The following GALNT2 variants were observed in gnomAD, a reference collection of about 807,000 sequenced individuals.
GALNT2 encodes the protein UDP-GalNAc:polypeptide N-acetylgalactosaminyltransferase 2.
Under a neutral mutation model 81.4 loss-of-function variants are expected in GALNT2, and 31 were observed. The ratio of observed to expected loss-of-function variants is 0.38; its 90% CI spans 0.29 to 0.51. GALNT2 has a LOEUF of 0.51. Among genes scored for constraint, GALNT2 ranks in the 20% least tolerant of loss-of-function variants. GALNT2 has a pLI of 0.87. For synonymous variants in GALNT2, 303 were observed against 287.4 expected, an observed-to-expected ratio of 1.05 and a Z score of -0.55; for missense variants, 629 against 765.7, an observed-to-expected ratio of 0.82 and a Z score of 2.11.
intron 2 of GALNT2, among the ~76,000 whole-genome samples, chr1:230,196,409 T>A (rs1041147069): frequency 6.6e-5 from 10 of 152,228 alleles, no homozygotes; most frequent in Admixed American, 5.9e-4. Context: ...TTGCTTGGGC[T>A]TGGCATTTTC....
chr1:230,194,619 C>G (rs1663630132), intron 2 of GALNT2, among the ~76,000 whole-genome samples: 1 of 152,230 alleles, frequency 6.6e-6, no homozygotes, highest in African/African-American at 2.4e-5. Flanking sequence ...TAGCCCAGCC[C>G]TTCAAATGGA....
In GALNT2 at chr1:230,180,794, G is replaced by A. The variant is rs147340806; in HGVS notation, c.220+2483G>A. 2.2e-3 allele frequency among the ~76,000 whole-genome samples: 341 copies of A among 152,152 alleles called. 2 individuals carry two copies. Among genetic ancestry groups the A allele is most frequent in the African/African-American group, 7.9e-3 (328 of 41,514 alleles). The stretch of plus-strand genomic sequence containing the variant: ...TTTTGATACCTTTTATCAGAATTTT[G>A]TAGTTTTCCTCATACAGAATTTATA... On this transcript the variant is annotated intron_variant, in intron 2 of 15. Coordinates refer to ENST00000366672, the MANE Select transcript of GALNT2 (RefSeq NM_004481.5).
intron 1 of GALNT2, among the ~76,000 whole-genome samples, chr1:230,089,151 CT>C (rs112182659): frequency 2.7e-3 from 379 of 140,950 alleles, no homozygotes; most frequent in Middle Eastern, 3.6e-3. Context: ...TTCTTTCTTT[CT>C]TTTTTTTTTT....
Position 230,094,333 on chromosome 1 carries a change from A to G in GALNT2, c.126+26927A>G, listed in dbSNP as rs772469386. 2.8e-4 allele frequency among the ~76,000 whole-genome samples: 11 copies of G among 39,846 alleles called. No homozygotes were observed. In the South Asian group the frequency reaches 0.011, roughly 39 times the overall value. The allele number at this position is 39,846 out of a possible 152,430, so 26.1% of individuals were successfully genotyped here. ...GCCTTATTTTTATATATTTAAGAAC[A>G]TATGCTTTCGGCCGGGGTGGCAGCT... On this transcript the variant is annotated intron_variant, in intron 1 of 15. Coordinates refer to ENST00000366672, the MANE Select transcript of GALNT2 (RefSeq NM_004481.5).
rs1360383638 is a variant in GALNT2, at chr1:230,265,182, G to C, written c.1314-59G>C. On this transcript the variant is annotated intron_variant, in intron 13 of 15. Transcript: ENST00000366672. Reference sequence around the variant, plus strand: ...ATGAGGCCACTGAGCAAAGGGGCTGGTGGACGGGAGCTGGTGGTCATGTGC... The same window carrying C: ...ATGAGGCCACTGAGCAAAGGGGCTGCTGGACGGGAGCTGGTGGTCATGTGC... 3 of 1,610,910 alleles carry C rather than the reference G, an allele frequency of 1.9e-6. No homozygotes were observed. The African/African-American group carries it at 4.0e-5, about 22-fold the overall frequency.
intron 1 of GALNT2, among the ~76,000 whole-genome samples, chr1:230,119,807 G>C (rs1257904717): frequency 6.6e-6 from 1 of 152,120 alleles, no homozygotes; most frequent in East Asian, 1.9e-4. Context: ...TTGCATTTCA[G>C]CTTATTCCAG....
At position 230,280,384 on chromosome 1, in the gene GALNT2, G is replaced by A. The variant is rs16851328; in HGVS notation, c.*926G>A. On this transcript the variant is annotated 3_prime_UTR_variant, in exon 16 of 16. Transcript: ENST00000366672. ...CTGTGCGTATCTGTGAACCTGGAGC[G>A]GTTACTTATTTTGACAGATATCACT... 7,868 of 190,570 alleles carry A rather than the reference G, an allele frequency of 0.041. 227 individuals are homozygous for A. Among genetic ancestry groups the A allele is most frequent in the Middle Eastern group, 0.072 (28 of 390 alleles). The allele number at this position is 190,570 out of a possible 1,614,324, so 11.8% of individuals were successfully genotyped here. A position where few individuals can be genotyped will look rare whatever the true frequency, so the allele number is the denominator to read the frequency against.
At chr1:230,123,925 A>T (rs997693270) in intron 1 of GALNT2, among the ~76,000 whole-genome samples, 10 of 152,340 alleles carry the variant, frequency 6.6e-5, no homozygotes, top group African/African-American at 1.9e-4. Flanking sequence ...GACTCTAAAA[A>T]TGTGAAAACA....
intron 1 of GALNT2, among the ~76,000 whole-genome samples, chr1:230,093,649 A>T (rs1169983769): frequency 6.6e-6 from 1 of 152,256 alleles, no homozygotes; most frequent in African/African-American, 2.4e-5. Context: ...CAAGCTCAGC[A>T]TGATGACATT....
intron 1 of GALNT2, among the ~76,000 whole-genome samples, chr1:230,108,034 T>C (rs545495978): frequency 6.6e-6 from 1 of 152,180 alleles, no homozygotes; most frequent in Non-Finnish European, 1.5e-5. Flanking sequence ...TTGCCCAGGC[T>C]TGGGCAGACT....
chr1:230,120,616 G>T lies in GALNT2; in HGVS notation c.126+53210G>T, dbSNP rs1308421261. On this transcript the variant is annotated intron_variant, in intron 1 of 15. Coordinates refer to ENST00000366672, the MANE Select transcript of GALNT2 (RefSeq NM_004481.5). ...GTCATGAAAATGGCTGCTCAGCTCC[G>T]ATCTGCCCTTCCTTCCGCAGGACTC... Among the ~76,000 whole-genome samples the T allele has an allele frequency of 5.3e-5, 8 of 152,238 alleles. No homozygotes were observed. In the South Asian group the frequency reaches 8.3e-4, roughly 16 times the overall value.
In GALNT2 at chr1:230,072,163, G is replaced by A. The variant is rs188274708; in HGVS notation, c.126+4757G>A. ...AGGAAGAGGTGGTCAGAAAAATGATGGGAGAGGGGGTGGGGGAGATTGGGT... is the reference window on the plus strand; with the variant it reads ...AGGAAGAGGTGGTCAGAAAAATGATAGGAGAGGGGGTGGGGGAGATTGGGT... On this transcript the variant is annotated intron_variant, in intron 1 of 15. Transcript: ENST00000366672. 4.5e-3 allele frequency among the ~76,000 whole-genome samples: 685 copies of A among 152,230 alleles called. 3 individuals carry two copies. Among genetic ancestry groups the A allele is most frequent in the African/African-American group, 0.016 (668 of 41,528 alleles).
intron 2 of GALNT2, among the ~76,000 whole-genome samples, chr1:230,178,604 T>C (rs1663060641): frequency 6.6e-6 from 1 of 152,146 alleles, no homozygotes; most frequent in African/African-American, 2.4e-5. Flanking sequence ...TAGACTTTAT[T>C]TTTTAGGGCA....
chr1:230,228,704 C>T (rs1253301172), intron 3 of GALNT2, among the ~76,000 whole-genome samples: 2 of 151,998 alleles, frequency 1.3e-5, no homozygotes, highest in Non-Finnish European at 2.9e-5. Flanking sequence ...TCTGCAGTAA[C>T]GCTTCATGGC....
At chr1:230,062,974 T>C (rs566925559), upstream of GALNT2, among the ~76,000 whole-genome samples, 31 of 152,328 alleles carry the variant, frequency 2.0e-4, no homozygotes, top group African/African-American at 7.0e-4. Flanking sequence ...CCAATTTCTC[T>C]ACATCCTCAC....
At chr1:230,241,330 C>A (rs1357984815) in intron 6 of GALNT2, among the ~76,000 whole-genome samples, 1 of 151,968 alleles carries the variant, frequency 6.6e-6, no homozygotes, top group Non-Finnish European at 1.5e-5. Context: ...TGTTATCTTT[C>A]TCTAAAGAGT....
chr1:230,211,692 G>A (rs1664238469), intron 3 of GALNT2, among the ~76,000 whole-genome samples: 1 of 152,148 alleles, frequency 6.6e-6, no homozygotes, highest in African/African-American at 2.4e-5. Context: ...AGGGTCACTC[G>A]AGCCCAGAAG....
chr1:230,168,669 C>T (rs1000711874), intron 1 of GALNT2, among the ~76,000 whole-genome samples: 1 of 152,184 alleles, frequency 6.6e-6, no homozygotes, highest in South Asian at 2.1e-4. Flanking sequence ...ATTATGCGCA[C>T]ATTTTTGTAA....
intron 9 of GALNT2, among the ~76,000 whole-genome samples, chr1:230,249,761 G>T (rs1280854126): frequency 1.3e-5 from 2 of 152,204 alleles, no homozygotes; most frequent in East Asian, 3.9e-4. Context: ...GAGAGAAGGG[G>T]GCCACCTCTT....
Sources: gnomAD v4.1 joint callset for allele counts (sites outside exome capture counted in the v4.1 genomes callset) on GRCh38, gnomAD v4.1.1 for gene constraint, MANE v1.5 for transcripts, NCBI Gene and HGNC (gene_info 2026-07-23, HGNC 2026-07-21) for gene names.